FUT8: variants seen among roughly 807,000 people sequenced by gnomAD.
FUT8 encodes alpha-(1,6)-fucosyltransferase.
A neutral mutation model predicts 71.3 loss-of-function variants in FUT8; 29 were observed. The ratio of observed to expected loss-of-function variants is 0.41; its 90% confidence interval spans 0.30 to 0.55. The LOEUF (loss-of-function observed/expected upper bound fraction) is 0.55, where lower values mean the gene tolerates loss of function less well. Ranked by LOEUF, FUT8 falls within the 20% of genes least tolerant of loss-of-function variation. FUT8 has a pLI of 0.34. For missense variants in FUT8, 544 were observed against 702.1 expected, an observed-to-expected ratio of 0.77 and a Z score of 2.55; for synonymous variants, 254 against 239.3, an observed-to-expected ratio of 1.06 and a Z score of -0.57.
At chr14:65,688,132 T>C (rs933206993) in intron 7 of FUT8, among the ~76,000 whole-genome samples, 3 of 152,186 alleles carry the variant, frequency 2.0e-5, no homozygotes, top group Non-Finnish European at 4.4e-5. Context: ...TAGGGTTCAC[T>C]TTGTGCTGTA....
chr14:65,383,805 T>G, the FUT8 span, among the ~76,000 whole-genome samples: 1 of 152,132 alleles, frequency 6.6e-6, no homozygotes, highest in Non-Finnish European at 1.5e-5. Flanking sequence ...AGAGATACAG[T>G]CAGGGTAAAG....
In FUT8 at chr14:65,506,204, A is replaced by G. The variant is rs143143626; in HGVS notation, c.-228+50486A>G. ...TTAAGGTGAATTAGACATTATGTTT[A>G]CCTTGAATTTTAATTGGTATACTTT... On this transcript the variant is annotated intron_variant, in intron 2 of 10. Transcript: ENST00000673929. Among the ~76,000 whole-genome samples the G allele has an allele frequency of 2.9e-3, 443 of 152,338 alleles. 2 individuals carry two copies. Among genetic ancestry groups the G allele is most frequent in the Middle Eastern group, 0.01 (3 of 294 alleles).
chr14:65,538,297 G>T (rs1884464398), intron 2 of FUT8, among the ~76,000 whole-genome samples: 1 of 152,196 alleles, frequency 6.6e-6, no homozygotes, highest in Admixed American at 6.5e-5. Context: ...CTCCTTGCCT[G>T]TTCAACTCAC....
In FUT8 at chr14:65,547,943, A is replaced by G. The variant is rs550197091; in HGVS notation, c.-227-13394A>G. On this transcript the variant is annotated intron_variant, in intron 2 of 10. Transcript: ENST00000673929. ...TGTCCCTGCCCTGTTCCAAGATTCA[A>G]TTCAGGATACCACAGTATATTTAGT... 4.7e-4 allele frequency among the ~76,000 whole-genome samples: 71 copies of G among 152,006 alleles called. 1 individual carries two copies. Among genetic ancestry groups the G allele is most frequent in the Non-Finnish European group, 5.0e-4 (34 of 67,816 alleles).
chr14:65,593,681 T>G (rs1270108478), intron 3 of FUT8, among the ~76,000 whole-genome samples: 1 of 152,002 alleles, frequency 6.6e-6, no homozygotes, highest in African/African-American at 2.4e-5. Flanking sequence ...GTTCAAGAGA[T>G]TCTCCTGCCT....
chr14:65,737,189 C>T (rs187504978), intron 10 of FUT8, among the ~76,000 whole-genome samples: 61 of 152,202 alleles, frequency 4.0e-4, no homozygotes, highest in African/African-American at 1.4e-3. Flanking sequence ...ATTCTCTCTT[C>T]TTCAATGAAA....
the FUT8 span, among the ~76,000 whole-genome samples, chr14:65,390,455 G>A: frequency 7.9e-4 from 119 of 151,588 alleles, 1 homozygote; most frequent in African/African-American, 2.8e-3. Flanking sequence ...TTCCTTTTAT[G>A]CCTTTTTACA....
At chr14:65,397,354 T>G in the FUT8 span, among the ~76,000 whole-genome samples, 1 of 152,228 alleles carries the variant, frequency 6.6e-6, no homozygotes, top group Non-Finnish European at 1.5e-5. The surrounding 1 kb of genome is among the most constrained non-coding windows in gnomAD (Gnocchi z 4.2). Context: ...GAGAGGATTA[T>G]AAGAATATTA....
At chr14:65,484,434 G>A (rs1262495652) in intron 2 of FUT8, among the ~76,000 whole-genome samples, 1 of 152,094 alleles carries the variant, frequency 6.6e-6, no homozygotes, top group South Asian at 2.1e-4. Flanking sequence ...TGGGTAAAGT[G>A]TAAAAGAAAA....
chr14:65,743,386 C>G lies in FUT8; in HGVS notation c.*976C>G, dbSNP rs1004725247. Reference sequence around the variant, plus strand: ...AACACTGTTTGGGAGCTTTCATTCTCATATTTTGGACATTGTTTTAATTGA... The same window carrying G: ...AACACTGTTTGGGAGCTTTCATTCTGATATTTTGGACATTGTTTTAATTGA... On this transcript the variant is annotated 3_prime_UTR_variant, in exon 11 of 11. Transcript: ENST00000673929. 8.6e-5 allele frequency: 13 copies of G among 151,878 alleles called. No homozygotes were observed. The highest frequency in any genetic ancestry group is 2.9e-4 in the African/African-American group (12 of 41,384). 9.4% of individuals were successfully genotyped at this position (151,878 alleles called of 1,614,324 possible).
chr14:65,682,913 G>A (rs1045495846), intron 7 of FUT8, among the ~76,000 whole-genome samples: 19 of 152,018 alleles, frequency 1.2e-4, no homozygotes, highest in African/African-American at 4.3e-4. Flanking sequence ...TGTGAAAATG[G>A]TAGTGCTTTA....
rs1890975260 is a variant in FUT8 at position 65,643,707 on chromosome 14, CACACACACCAG to C, written c.597+14103_597+14113del. ...ACACACACACACACACACACACACACACACACACCAGATTCCATTCTAGATGCTATTCCTTA... is the reference window on the plus strand; with the variant it reads ...ACACACACACACACACACACACACACATTCCATTCTAGATGCTATTCCTTA... On this transcript the variant is annotated intron_variant, in intron 6 of 10. Transcript: ENST00000673929. This position sits in a 1 kb window ranked among gnomAD's most constrained non-coding sequence, Gnocchi z 4.5. Among the ~76,000 whole-genome samples, 3 of 136,980 alleles carry C rather than the reference CACACACACCAG, an allele frequency of 2.2e-5. No homozygotes were observed. The highest frequency in any genetic ancestry group is 4.9e-5 in the Non-Finnish European group (3 of 60,766). The allele number at this position is 136,980 out of a possible 152,430, so 89.9% of individuals were successfully genotyped here.
chr14:65,486,303 C>T (rs2066409091), intron 2 of FUT8, among the ~76,000 whole-genome samples: 1 of 152,090 alleles, frequency 6.6e-6, no homozygotes, highest in Non-Finnish European at 1.5e-5. Flanking sequence ...ACAGTACATA[C>T]TAGTGGAGTC....
chr14:65,425,128 A>G (rs910516760), intron 1 of FUT8, among the ~76,000 whole-genome samples: 1 of 152,152 alleles, frequency 6.6e-6, no homozygotes, highest in African/African-American at 2.4e-5. Context: ...GAGAGCTCTA[A>G]GAGTTTAAAG....
chr14:65,522,054 A>C (rs983714110), intron 2 of FUT8, among the ~76,000 whole-genome samples: 7 of 152,122 alleles, frequency 4.6e-5, no homozygotes, highest in African/African-American at 1.7e-4. Flanking sequence ...CTCTTAGTCT[A>C]ACTTTAGTCC....
At chr14:65,582,508 AG>A (rs928580229) in intron 3 of FUT8, among the ~76,000 whole-genome samples, 19 of 152,118 alleles carry the variant, frequency 1.2e-4, no homozygotes, top group African/African-American at 4.3e-4. Flanking sequence ...CCCCATCCCC[AG>A]CTGTCCTAAG....
At chr14:65,558,642 C>T (rs1047454179) in intron 2 of FUT8, among the ~76,000 whole-genome samples, 31 of 152,260 alleles carry the variant, frequency 2.0e-4, no homozygotes, top group African/African-American at 7.5e-4. Flanking sequence ...AAGCATGGTT[C>T]AGACAATAAA....
intron 6 of FUT8, among the ~76,000 whole-genome samples, chr14:65,663,254 T>C (rs987081713): frequency 1.3e-5 from 2 of 152,046 alleles, no homozygotes; most frequent in South Asian, 2.1e-4. Context: ...ATAAATCTCT[T>C]TATATTTGTT....
chr14:65,633,076 C>G (rs1401125202), intron 6 of FUT8, among the ~76,000 whole-genome samples: 2 of 149,992 alleles, frequency 1.3e-5, no homozygotes, highest in East Asian at 2.0e-4. Flanking sequence ...TGAGCCGAAG[C>G]TGGACTGTAC....
Sources: gnomAD v4.1 joint callset for allele counts (sites outside exome capture counted in the v4.1 genomes callset) on GRCh38, gnomAD v4.1.1 for gene constraint, Gnocchi (gnomAD v3.1) non-coding constraint, MANE v1.5 for transcripts, NCBI Gene and HGNC (gene_info 2026-07-23, HGNC 2026-07-21) for gene names.